Variants in E2F8 observed in about 807,000 individuals in gnomAD.
E2F8 encodes the protein transcription factor E2F8.
In E2F8, 35 loss-of-function variants were observed where a neutral mutation model predicts 80.8. The observed-to-expected ratio is 0.43, with a 90% CI of 0.33 to 0.57. E2F8 has a LOEUF of 0.57. E2F8 is among the 20% of genes least tolerant of loss of function. The pLI is 0.04. For missense variants in E2F8, 975 were observed against 1,056.2 expected, an observed-to-expected ratio of 0.92 and a Z score of 1.07; for synonymous variants, 386 against 395.0, an observed-to-expected ratio of 0.98 and a Z score of 0.27.
rs1026940683 is a variant in E2F8, at chr11:19,224,497, G to GTGTATA, written c.*160_*161insTATACA. ...TGTGTGTGTGTGTGTGTGTGTGTGT[G>GTGTATA]TATATATATATATGTATGAAAACAA... is the stretch of plus-strand genomic sequence containing the variant. On this transcript the variant is annotated 3_prime_UTR_variant, in exon 13 of 13. Transcript: ENST00000250024. 5 of 399,220 alleles carry GTGTATA rather than the reference G, an allele frequency of 1.3e-5. No homozygotes were observed. Among genetic ancestry groups the GTGTATA allele is most frequent in the African/African-American group, 8.3e-5 (4 of 48,122 alleles). 24.7% of individuals were successfully genotyped at this position (399,220 alleles called of 1,614,324 possible). A position where few individuals can be genotyped will look rare whatever the true frequency, so the allele number is the denominator to read the frequency against.
In E2F8 at chr11:19,230,823, C is replaced by A; in HGVS notation, c.1078G>T (p.Val360Phe). The A allele has an allele frequency of 6.2e-7, 1 of 1,614,084 alleles. No homozygotes were observed. The highest frequency in any genetic ancestry group is 1.7e-4 in the Middle Eastern group (1 of 6,060). ...AAATCAGAGGGAGTAAAATGAATGACTGGGCTGGAGCCTGAAACAGAAAAC... is the reference window on the plus strand; with the variant it reads ...AAATCAGAGGGAGTAAAATGAATGAATGGGCTGGAGCCTGAAACAGAAAAC... ...ISPNTSGSSPVIHFTPSDLEV... is the reference protein window; with the variant it reads ...ISPNTSGSSPFIHFTPSDLEV... The change falls in exon 8 of 13, where the codon GTC (valine) becomes TTC (phenylalanine). Residue 360 changes from valine (V) to phenylalanine (F), a missense_variant. By Grantham distance (50) the Val-to-Phe change is conservative (BLOSUM62 -1). Transcript: ENST00000250024.
chr11:19,226,748 C>T (rs1472476225), intron 10 of E2F8, among the ~76,000 whole-genome samples: 1 of 152,046 alleles, frequency 6.6e-6, no homozygotes, highest in African/African-American at 2.4e-5. Flanking sequence ...GTTTGCTGGC[C>T]CCTGATTTAA....
rs752853036 is a variant in E2F8, at chr11:19,225,814, C to T, written c.1944G>A (p.Leu648=). 1 of 1,614,030 alleles carries T rather than the reference C, an allele frequency of 6.2e-7. No individual in the cohort carries two copies. The highest frequency in any genetic ancestry group is 1.1e-5 in the South Asian group (1 of 91,078). Residue 648 remains leucine (L), a synonymous_variant, in exon 11 of 13, where the codon CTG becomes CTA. Coordinates refer to ENST00000250024, the MANE Select transcript of E2F8 (RefSeq NM_024680.4). ...YLIPLTQCSS[L]GAESILSGKE... Reference sequence around the variant, plus strand: ...TACCAGACAAAATGGACTCTGCCCCCAGGGATGAGCACTGCGTGAGAGGGA... The same window carrying T: ...TACCAGACAAAATGGACTCTGCCCCTAGGGATGAGCACTGCGTGAGAGGGA...
At chr11:19,227,194 T>C (rs1267260656) in intron 10 of E2F8, among the ~76,000 whole-genome samples, 1 of 152,232 alleles carries the variant, frequency 6.6e-6, no homozygotes, top group African/African-American at 2.4e-5. Flanking sequence ...GGTCTTTTCC[T>C]TGGGAACCAG....
At position 19,238,113 on chromosome 11, in the gene E2F8, G is replaced by T; in HGVS notation, c.35C>A (p.Pro12Gln). The part of the protein sequence containing the change: ...ENEKENLFCE[P>Q]HKRGLMKTPL... ...TGTTTTCATTAGTCCCCTTTTATGTGGCTCACAAAAGAGATTTTCCTGGTT... is the reference window on the plus strand; with the variant it reads ...TGTTTTCATTAGTCCCCTTTTATGTTGCTCACAAAAGAGATTTTCCTGGTT... Residue 12 changes from proline to glutamine, a missense_variant, in exon 3 of 13, where the codon CCA (proline) becomes CAA (glutamine). Physicochemically the swap from Pro to Gln is moderately conservative, Grantham distance 76. Coordinates refer to ENST00000250024, the MANE Select transcript of E2F8 (RefSeq NM_024680.4). 1.2e-6 allele frequency: 2 copies of T among 1,607,216 alleles called. No homozygotes were observed. The highest frequency in any genetic ancestry group is 1.7e-6 in the Non-Finnish European group (2 of 1,177,430).
In E2F8 at chr11:19,225,808, T is replaced by C. The variant is rs1325961767; in HGVS notation, c.1950A>G (p.Ala650=). The change falls in exon 11 of 13, where the codon GCA becomes GCG. Residue 650 remains alanine, a synonymous_variant. Coordinates refer to ENST00000250024, the MANE Select transcript of E2F8 (RefSeq NM_024680.4). ...IPLTQCSSLG[A]ESILSGKENS... ...TTTCTTTACCAGACAAAATGGACTC[T>C]GCCCCCAGGGATGAGCACTGCGTGA... 6.2e-7 allele frequency: 1 copy of C among 1,614,094 alleles called. No individual in the cohort carries two copies. Among genetic ancestry groups the C allele is most frequent in the Non-Finnish European group, 8.5e-7 (1 of 1,180,004 alleles).
intron 10 of E2F8, among the ~76,000 whole-genome samples, chr11:19,227,924 C>T (rs1851278091): frequency 6.6e-6 from 1 of 152,028 alleles, no homozygotes; most frequent in African/African-American, 2.4e-5. Flanking sequence ...CCCGTCTCCA[C>T]AAAAAATAAA....
intron 6 of E2F8, among the ~76,000 whole-genome samples, chr11:19,233,162 A>T (rs994314458): frequency 2.0e-5 from 3 of 152,180 alleles, no homozygotes; most frequent in African/African-American, 4.8e-5. Flanking sequence ...CTGAAATTGC[A>T]GATCTCCCGA....
intron 6 of E2F8, among the ~76,000 whole-genome samples, chr11:19,233,904 A>T (rs919337692): frequency 2.0e-5 from 3 of 150,892 alleles, no homozygotes; most frequent in Admixed American, 2.0e-4. Flanking sequence ...GCCTCCCAAA[A>T]TTTGGGAGGC....
intron 2 of E2F8, among the ~76,000 whole-genome samples, chr11:19,238,584 G>A (rs559712958): frequency 6.6e-6 from 1 of 152,198 alleles, no homozygotes; most frequent in Admixed American, 6.5e-5. Context: ...AAGGCCTACA[G>A]GGCAGAAATT....
At position 19,230,827 on chromosome 11, in the gene E2F8, G is replaced by C; in HGVS notation, c.1074C>G (p.Ser358Arg). ...CAGAGGGAGTAAAATGAATGACTGG[G>C]CTGGAGCCTGAAACAGAAAACGTCT... is the stretch of plus-strand genomic sequence containing the variant. ...PEISPNTSGS[S>R]PVIHFTPSDL... Residue 358 changes from serine (S) to arginine (R), a missense_variant, in exon 8 of 13, where the codon AGC becomes AGG. Transcript: ENST00000250024. 1 of 1,614,010 alleles carries C rather than the reference G, an allele frequency of 6.2e-7. No individual in the cohort carries two copies. The highest frequency in any genetic ancestry group is 1.7e-5 in the Admixed American group (1 of 60,006).
chr11:19,230,009 C>T (rs1265114759), intron 9 of E2F8, 21 bp from the exon 10 acceptor site: 2 of 1,611,564 alleles, frequency 1.2e-6, no homozygotes, highest in East Asian at 2.2e-5. Flanking sequence ...AGATTTAATA[C>T]ACGACATGAT....
At chr11:19,237,713 A>T in intron 3 of E2F8, 141 bp downstream of exon 3, 1 of 1,211,556 alleles carries the variant, frequency 8.3e-7, no homozygotes, top group Admixed American at 2.4e-5. Flanking sequence ...TGGGGTCCAA[A>T]CCTTTCTGGT....
At chr11:19,238,560 C>T (rs1373194062) in intron 2 of E2F8, among the ~76,000 whole-genome samples, 4 of 152,206 alleles carry the variant, frequency 2.6e-5, no homozygotes, top group East Asian at 1.9e-4. Flanking sequence ...TTACTCATGG[C>T]ACTGTAATAA....
At chr11:19,232,034 G>A (rs113150516) in intron 7 of E2F8, among the ~76,000 whole-genome samples, 200 bp downstream of exon 7, 115 of 152,296 alleles carry the variant, frequency 7.6e-4, no homozygotes, top group African/African-American at 2.6e-3. Flanking sequence ...TGTGGGACAC[G>A]GATGGAGCTG....
Position 19,225,433 on chromosome 11 carries a change from T to A in E2F8, c.2209A>T (p.Thr737Ser), listed in dbSNP as rs1467498798. ...GAGATGAGTCCCAGGTGCTGCAGGG[T>A]GAAGTTTACAATGGCTGAGCTTGGG... ...QNPSSAIVNFTLQHLGLISPN... is the reference protein window; with the variant it reads ...QNPSSAIVNFSLQHLGLISPN... Residue 737 changes from threonine to serine, a missense_variant, in exon 12 of 13, where the codon ACC (threonine) becomes TCC (serine). By Grantham distance (58) the Thr-to-Ser change is moderately conservative. Coordinates refer to ENST00000250024, the MANE Select transcript of E2F8 (RefSeq NM_024680.4). 1.2e-6 allele frequency: 2 copies of A among 1,613,918 alleles called. No individual in the cohort carries two copies. Among genetic ancestry groups the A allele is most frequent in the Admixed American group, 3.3e-5 (2 of 59,994 alleles).
At chr11:19,237,175 C>T (rs554437595) in intron 4 of E2F8, 139 bp downstream of exon 4, 3 of 835,654 alleles carry the variant, frequency 3.6e-6, no homozygotes, top group African/African-American at 1.7e-5. Flanking sequence ...TAGAAGAGGG[C>T]TTTAGAGATA....
chr11:19,239,625 C>T (rs925795004), intron 2 of E2F8, among the ~76,000 whole-genome samples: 16 of 151,692 alleles, frequency 1.1e-4, no homozygotes, highest in African/African-American at 3.1e-4. Context: ...ATGTCAAATG[C>T]CCTTTCTGAA....
At position 19,229,114 on chromosome 11, in the gene E2F8, C is replaced by T. The variant is rs1047790075; in HGVS notation, c.1893+340G>A. On this transcript the variant is annotated intron_variant, in intron 10 of 12. Coordinates refer to ENST00000250024, the MANE Select transcript of E2F8 (RefSeq NM_024680.4). This position sits in a 1 kb window ranked among gnomAD's most constrained non-coding sequence, Gnocchi z 4.3. ...AGGAGTTACAGGAACCCTATGCATC[C>T]ACACGTTCATTTGGGGTTACGTCTG... 2.2e-4 allele frequency among the ~76,000 whole-genome samples: 33 copies of T among 152,224 alleles called. No homozygotes were observed. Among genetic ancestry groups the T allele is most frequent in the African/African-American group, 7.7e-4 (32 of 41,458 alleles).
Sources: allele counts gnomAD v4.1 joint callset (sites outside exome capture counted in the v4.1 genomes callset), GRCh38; gene constraint gnomAD v4.1.1; non-coding constraint Gnocchi (gnomAD v3.1); transcripts MANE v1.5; gene names NCBI Gene and HGNC (gene_info 2026-07-23, HGNC 2026-07-21).